Variants in GTPBP10 observed in about 807,000 individuals in gnomAD.
GTPBP10 encodes the protein GTP binding protein 10.
A neutral mutation model predicts 44.8 loss-of-function variants in GTPBP10; 38 were observed. That is an observed-to-expected ratio of 0.85 (90% CI 0.65 to 1.11). The LOEUF (loss-of-function observed/expected upper bound fraction) is 1.11, where lower values mean the gene tolerates loss of function less well. Among genes scored for constraint, GTPBP10 ranks in the 50% most tolerant of loss-of-function variants. GTPBP10 has a pLI of 0.00. For synonymous variants in GTPBP10, 152 were observed against 150.6 expected (o/e 1.01, Z -0.07); for missense variants, 462 against 453.7 (o/e 1.02, Z -0.17).
chr7:90,374,359 GT>G lies in GTPBP10; in HGVS notation c.591+6del. The G allele has an allele frequency of 6.4e-7, 1 of 1,569,428 alleles. No individual in the cohort carries two copies. Among genetic ancestry groups the G allele is most frequent in the Non-Finnish European group, 8.8e-7 (1 of 1,140,574 alleles). On this transcript the variant is annotated splice_donor_region_variant and intron_variant, in intron 6 of 9. Coordinates refer to ENST00000222511, the MANE Select transcript of GTPBP10 (RefSeq NM_033107.4). Reference sequence around the variant, plus strand: ...ATGTACAGTGATTTCAAACAGGTAGGTATTTTTAAAGTAAAACACTATATTA... The same window carrying G: ...ATGTACAGTGATTTCAAACAGGTAGGATTTTTAAAGTAAAACACTATATTA...
intron 7 of GTPBP10, 103 bp from the exon 8 acceptor site, chr7:90,378,031 A>G: frequency 1.5e-6 from 2 of 1,373,852 alleles, no homozygotes; most frequent in Non-Finnish European, 2.0e-6. Context: ...TAGAGTATAG[A>G]GAAATTGTTT....
At chr7:90,381,252 C>T (rs1370992879) in intron 8 of GTPBP10, among the ~76,000 whole-genome samples, 7 of 152,172 alleles carry the variant, frequency 4.6e-5, no homozygotes, top group South Asian at 2.1e-4. Flanking sequence ...TCCCACTCAA[C>T]GGTGTTCAAG....
chr7:90,364,166 C>G (rs1796085754), intron 4 of GTPBP10, among the ~76,000 whole-genome samples: 1 of 152,186 alleles, frequency 6.6e-6, no homozygotes, highest in Admixed American at 6.5e-5. Flanking sequence ...AGCTTTGTTC[C>G]ATTGCTGGGG....
chr7:90,349,953 G>GGGTACATGT (rs530881615), intron 1 of GTPBP10, among the ~76,000 whole-genome samples: 223 of 151,692 alleles, frequency 1.5e-3, no homozygotes, highest in Non-Finnish European at 2.4e-3. Context: ...TTAAGTTCTA[G>GGGTACATGT]GGTACATGTA....
chr7:90,379,185 GT>G (rs1796394342), intron 8 of GTPBP10, among the ~76,000 whole-genome samples: 1 of 152,298 alleles, frequency 6.6e-6, no homozygotes, highest in South Asian at 2.1e-4. Flanking sequence ...AGCCCTGTCA[GT>G]TTTTTATCCT....
chr7:90,361,862 G>T (rs1021313295), intron 4 of GTPBP10, among the ~76,000 whole-genome samples: 14 of 152,076 alleles, frequency 9.2e-5, no homozygotes, highest in African/African-American at 3.1e-4. Flanking sequence ...GTCTTGGGAG[G>T]GTATATGTGT....
intron 3 of GTPBP10, 84 bp from the exon 4 acceptor site, chr7:90,355,002 G>A: frequency 1.2e-6 from 1 of 822,104 alleles, no homozygotes; most frequent in South Asian, 2.6e-5. Flanking sequence ...GCATTTCTTT[G>A]CCTGTATTTC....
At chr7:90,359,875 G>A (rs987147587) in intron 4 of GTPBP10, among the ~76,000 whole-genome samples, 1 of 152,094 alleles carries the variant, frequency 6.6e-6, no homozygotes, top group Non-Finnish European at 1.5e-5. Flanking sequence ...GTTTTGATTT[G>A]CATTTGACGG....
intron 4 of GTPBP10, among the ~76,000 whole-genome samples, chr7:90,363,904 C>T (rs1796078354): frequency 6.6e-6 from 1 of 152,188 alleles, no homozygotes; most frequent in South Asian, 2.1e-4. Flanking sequence ...GTCACTGATA[C>T]CCTTTCTTCC....
chr7:90,354,979 G>A lies in GTPBP10; in HGVS notation c.320-107G>A. The A allele has an allele frequency of 6.1e-6, 4 of 651,250 alleles. No individual in the cohort carries two copies. The East Asian group carries it at 1.1e-4, about 18-fold the overall frequency. The allele number at this position is 651,250 out of a possible 1,614,324, so 40.3% of individuals were successfully genotyped here. ...TAATGATTTCACTTACTAATCTATAGATTTGTAATTTTGCATTTCTTTGCC... is the reference window on the plus strand; with the variant it reads ...TAATGATTTCACTTACTAATCTATAAATTTGTAATTTTGCATTTCTTTGCC... On this transcript the variant is annotated intron_variant, in intron 3 of 9. Coordinates refer to ENST00000222511, the MANE Select transcript of GTPBP10 (RefSeq NM_033107.4).
Position 90,377,530 on chromosome 7 carries a change from T to A in GTPBP10, c.615T>A (p.Gly205=), listed in dbSNP as rs767890672. Reference sequence around the variant, plus strand: ...AGATATCAGTAGCTGATCTTCCGGGTTTAATAGAAGGAGCACATATGAACA... The same window carrying A: ...AGATATCAGTAGCTGATCTTCCGGGATTAATAGAAGGAGCACATATGAACA... ...FKQISVADLP[G]LIEGAHMNKG... Residue 205 remains glycine (G), a synonymous_variant, in exon 7 of 10, where the codon GGT becomes GGA. Coordinates refer to ENST00000222511, the MANE Select transcript of GTPBP10 (RefSeq NM_033107.4). 6.2e-7 allele frequency: 1 copy of A among 1,609,104 alleles called. No individual in the cohort carries two copies. Among genetic ancestry groups the A allele is most frequent in the Admixed American group, 1.7e-5 (1 of 59,540 alleles).
chr7:90,375,675 A>T (rs1275653664), intron 6 of GTPBP10, among the ~76,000 whole-genome samples: 1 of 152,154 alleles, frequency 6.6e-6, no homozygotes, highest in East Asian at 1.9e-4. Flanking sequence ...AAATTTCAGG[A>T]CATGAGACTT....
At chr7:90,371,442 T>G (rs1036171290) in intron 4 of GTPBP10, among the ~76,000 whole-genome samples, 1 of 152,182 alleles carries the variant, frequency 6.6e-6, no homozygotes, top group African/African-American at 2.4e-5. Flanking sequence ...CTATAAAAAC[T>G]GCCAATTTTT....
At position 90,362,811 on chromosome 7, in the gene GTPBP10, T is replaced by G. The variant is rs13244628; in HGVS notation, c.464+7581T>G. On this transcript the variant is annotated intron_variant, in intron 4 of 9. Coordinates refer to ENST00000222511, the MANE Select transcript of GTPBP10 (RefSeq NM_033107.4). ...CTAAGGACTTGCTTTATGAATCTGGTTGCTCCTGTATTGTGTGCATATGTA... is the reference window on the plus strand; with the variant it reads ...CTAAGGACTTGCTTTATGAATCTGGGTGCTCCTGTATTGTGTGCATATGTA... Among the ~76,000 whole-genome samples the G allele has an allele frequency of 3.3e-5, 5 of 152,280 alleles. No homozygotes were observed. The South Asian group carries it at 6.2e-4, about 19-fold the overall frequency.
chr7:90,352,892 G>C lies in GTPBP10; in HGVS notation c.110G>C (p.Gly37Ala). Residue 37 changes from glycine to alanine, a missense_variant, in exon 2 of 10, where the codon GGA becomes GCA. By Grantham distance (60) the Gly-to-Ala change is moderately conservative. Transcript: ENST00000222511. ...GGAATGGGTTATCCTCGTTTAGGTGGAGAAGGTGGAAAAGGTGGTGATGTC... is the reference window on the plus strand; with the variant it reads ...GGAATGGGTTATCCTCGTTTAGGTGCAGAAGGTGGAAAAGGTGGTGATGTC... ...SGGMGYPRLG[G>A]EGGKGGDVWV... 6.2e-7 allele frequency: 1 copy of C among 1,613,956 alleles called. No individual in the cohort carries two copies. Among genetic ancestry groups the C allele is most frequent in the Non-Finnish European group, 8.5e-7 (1 of 1,179,934 alleles).
In GTPBP10 at chr7:90,355,083, AAGG is replaced by A; in HGVS notation, c.320_322del (p.Gly107del). The A allele has an allele frequency of 6.5e-7, 1 of 1,545,090 alleles. No individual in the cohort carries two copies. The highest frequency in any genetic ancestry group is 1.2e-5 in the South Asian group (1 of 85,534). On this transcript the variant is annotated splice_acceptor_variant and coding_sequence_variant, in exon 4 of 10. Transcript: ENST00000222511. LOFTEE classifies it high-confidence loss of function. ...TGTAAGTATTTCTCTCCCTCTTTTT[AAGG>A]AGAACTCAATAAAGAAAATGACAGA...
intron 1 of GTPBP10, among the ~76,000 whole-genome samples, chr7:90,351,727 G>A (rs1450659345): frequency 6.6e-6 from 1 of 151,566 alleles, no homozygotes; most frequent in Admixed American, 6.6e-5. Context: ...ACGGAGTCTC[G>A]CTCTGTCGCC....
intron 4 of GTPBP10, among the ~76,000 whole-genome samples, chr7:90,360,949 G>C (rs986752790): frequency 6.6e-6 from 1 of 152,104 alleles, no homozygotes; most frequent in African/African-American, 2.4e-5. Context: ...TCTGTTATTG[G>C]TGTATAAGAA....
rs999573164 is a variant in GTPBP10, at chr7:90,384,948, C to T, written c.958C>T (p.His320Tyr). 1 of 1,611,706 alleles carries T rather than the reference C, an allele frequency of 6.2e-7. No individual in the cohort carries two copies. The highest frequency in any genetic ancestry group is 8.5e-7 in the Non-Finnish European group (1 of 1,177,986). ...TCCAGAGAGGACTGTAGAGTTCCAA[C>T]ATATCATCCCCATATCTGCAGTTAC... ...MIPERTVEFQ[H>Y]IIPISAVTGE... The change falls in exon 10 of 10, where the codon CAT (histidine) becomes TAT (tyrosine). Residue 320 changes from histidine to tyrosine, a missense_variant. Coordinates refer to ENST00000222511, the MANE Select transcript of GTPBP10 (RefSeq NM_033107.4).
Sources: allele counts gnomAD v4.1 joint callset (sites outside exome capture counted in the v4.1 genomes callset), GRCh38; gene constraint gnomAD v4.1.1; transcripts MANE v1.5; gene names NCBI Gene and HGNC (gene_info 2026-07-23, HGNC 2026-07-21).